SHROOM2: variants seen among roughly 807,000 people sequenced by gnomAD.
SHROOM2 encodes the protein protein Shroom2.
In SHROOM2, 33 loss-of-function variants were observed where a neutral mutation model predicts 75.9. That is an observed-to-expected ratio of 0.43 (90% CI 0.33 to 0.58). The LOEUF is 0.58. Ranked by LOEUF, SHROOM2 falls within the 20% of genes least tolerant of loss-of-function variation. SHROOM2 has a pLI of 0.04. For synonymous variants in SHROOM2, 655 were observed against 663.6 expected, an observed-to-expected ratio of 0.99 and a Z score of 0.20; for missense variants, 1,434 against 1,461.2, an observed-to-expected ratio of 0.98 and a Z score of 0.30.
At chrX:9,816,847 A>T (rs897045292) in intron 1 of SHROOM2, among the ~76,000 whole-genome samples, 1 of 111,752 alleles carries the variant, frequency 8.9e-6, no homozygotes, top group East Asian at 2.8e-4. Flanking sequence ...ATTTCTGGTT[A>T]TATTTCAGAA....
chrX:9,851,176 C>G (rs1168838294), intron 1 of SHROOM2, among the ~76,000 whole-genome samples: 1 of 111,182 alleles, frequency 9.0e-6, no homozygotes, highest in Non-Finnish European at 1.9e-5. Context: ...GCCTGGCTAA[C>G]GCTTTTAATT....
intron 5 of SHROOM2, among the ~76,000 whole-genome samples, chrX:9,910,783 C>G (rs1047443341): frequency 9.4e-6 from 1 of 106,734 alleles, no homozygotes; most frequent in African/African-American, 3.5e-5. Flanking sequence ...TGCCACTGCG[C>G]TTTTGCCTGG....
At chrX:9,829,996 A>C (rs757038311) in intron 1 of SHROOM2, among the ~76,000 whole-genome samples, 2 of 110,349 alleles carry the variant, frequency 1.8e-5, no homozygotes, top group East Asian at 5.7e-4. Flanking sequence ...GGTTTCAGAA[A>C]ATACATTAGA....
intron 2 of SHROOM2, among the ~76,000 whole-genome samples, chrX:9,881,291 A>T (rs1272082838): frequency 8.9e-6 from 1 of 111,909 alleles, no homozygotes; most frequent in Non-Finnish European, 1.9e-5. Context: ...TAAATGACAA[A>T]GAAGAGGAAG....
intron 2 of SHROOM2, among the ~76,000 whole-genome samples, chrX:9,888,539 G>A (rs1041844580): frequency 9.0e-6 from 1 of 111,351 alleles, no homozygotes; most frequent in African/African-American, 3.3e-5. Context: ...AACCTCCTGG[G>A]CTCAAATCAT....
rs145097856 is a variant in SHROOM2, at chrX:9,807,576, G to A, written c.165+20866G>A. On this transcript the variant is annotated intron_variant, in intron 1 of 9. Coordinates refer to ENST00000380913, the MANE Select transcript of SHROOM2 (RefSeq NM_001649.4). The stretch of plus-strand genomic sequence containing the variant: ...TGTCACATAGCCTGTGCTGTGCCAC[G>A]GAAATAAAACCCGAGTTCAGGACTG... Among the ~76,000 whole-genome samples the A allele has an allele frequency of 7.9e-3, 889 of 112,173 alleles. 13 individuals carry two copies. Among genetic ancestry groups the A allele is most frequent in the African/African-American group, 0.027 (842 of 30,911 alleles).
intron 2 of SHROOM2, among the ~76,000 whole-genome samples, chrX:9,886,848 G>A (rs1259130844): frequency 8.9e-6 from 1 of 112,186 alleles, no homozygotes; most frequent in Non-Finnish European, 1.9e-5. Context: ...TTCCACCCAT[G>A]GAACAGTATA....
At chrX:9,826,443 A>G (rs2083888003) in intron 1 of SHROOM2, among the ~76,000 whole-genome samples, 1 of 111,411 alleles carries the variant, frequency 9.0e-6, no homozygotes, top group South Asian at 3.8e-4. Context: ...TCTAAGAATA[A>G]CTTTATCTTC....
At chrX:9,926,994 G>A (rs1338763290) in intron 5 of SHROOM2, among the ~76,000 whole-genome samples, 1 of 111,102 alleles carries the variant, frequency 9.0e-6, no homozygotes, top group Non-Finnish European at 1.9e-5. Flanking sequence ...CAGCATTTCA[G>A]CAGCACCTGT....
At chrX:9,840,346 C>T (rs1180649327) in intron 1 of SHROOM2, among the ~76,000 whole-genome samples, 1 of 111,882 alleles carries the variant, frequency 8.9e-6, no homozygotes, top group East Asian at 2.8e-4. Flanking sequence ...GTGGCATGAT[C>T]ATGGCTCACC....
intron 1 of SHROOM2, among the ~76,000 whole-genome samples, chrX:9,872,358 A>C (rs1351578166): frequency 8.9e-6 from 1 of 112,818 alleles, no homozygotes; most frequent in Non-Finnish European, 1.9e-5. Context: ...AGGTCAGAGG[A>C]GTTCAAGACC....
chrX:9,815,999 C>T (rs778643719), intron 1 of SHROOM2, among the ~76,000 whole-genome samples: 5 of 112,168 alleles, frequency 4.5e-5, no homozygotes, highest in Non-Finnish European at 9.4e-5. Context: ...TTACTATGTA[C>T]GGATTTGCCT....
At chrX:9,934,114 G>A (rs757848382) in intron 6 of SHROOM2, among the ~76,000 whole-genome samples, 2 of 111,758 alleles carry the variant, frequency 1.8e-5, no homozygotes, top group Non-Finnish European at 3.8e-5. Context: ...GAACCCTGCT[G>A]TAGAGCCGCA....
At chrX:9,929,924 C>T (rs1201751677) in intron 5 of SHROOM2, among the ~76,000 whole-genome samples, 2 of 111,102 alleles carry the variant, frequency 1.8e-5, no homozygotes, top group Non-Finnish European at 3.8e-5. Flanking sequence ...GGGGTTTCCG[C>T]TTTTGCTTCC....
chrX:9,888,058 G>A (rs991313493), intron 2 of SHROOM2, among the ~76,000 whole-genome samples: 34 of 112,951 alleles, frequency 3.0e-4, no homozygotes, highest in African/African-American at 8.7e-4. Flanking sequence ...CTCTTGACTC[G>A]TCAGTGGCTA....
rs969559404 is a variant in SHROOM2 at position 9,949,410 on chromosome X, C to A, written c.*2473C>A. 2.7e-5 allele frequency: 9 copies of A among 329,001 alleles called. No homozygotes were observed. Among genetic ancestry groups the A allele is most frequent in the Non-Finnish European group, 5.3e-5 (9 of 169,866 alleles). The allele number at this position is 329,001 out of a possible 1,213,427, so 27.1% of individuals were successfully genotyped here. A position where few individuals can be genotyped will look rare whatever the true frequency, so the allele number is the denominator to read the frequency against. ...CCTATCAACAGATCATCCTGCTTGACTGTAACAAAATAAATAGTGTCTCTT... is the reference window on the plus strand; with the variant it reads ...CCTATCAACAGATCATCCTGCTTGAATGTAACAAAATAAATAGTGTCTCTT... On this transcript the variant is annotated 3_prime_UTR_variant, in exon 10 of 10. Coordinates refer to ENST00000380913, the MANE Select transcript of SHROOM2 (RefSeq NM_001649.4).
chrX:9,814,763 C>T (rs940026599), intron 1 of SHROOM2, among the ~76,000 whole-genome samples: 3 of 111,603 alleles, frequency 2.7e-5, no homozygotes, highest in Non-Finnish European at 5.6e-5. Flanking sequence ...AACTCAGTGT[C>T]CCCAGCTTCA....
At chrX:9,809,128 A>G (rs1204401387) in intron 1 of SHROOM2, among the ~76,000 whole-genome samples, 2 of 104,123 alleles carry the variant, frequency 1.9e-5, no homozygotes, top group African/African-American at 6.9e-5. Context: ...CAGAACTAAT[A>G]GGAAATATAT....
At chrX:9,814,164 C>G (rs1296546715) in intron 1 of SHROOM2, among the ~76,000 whole-genome samples, 1 of 111,789 alleles carries the variant, frequency 8.9e-6, no homozygotes, top group Non-Finnish European at 1.9e-5. Context: ...ATCCCTTCCT[C>G]TACATTAAAC....
Sources: allele counts gnomAD v4.1 joint callset (sites outside exome capture counted in the v4.1 genomes callset), GRCh38; gene constraint gnomAD v4.1.1; transcripts MANE v1.5; gene names NCBI Gene and HGNC (gene_info 2026-07-23, HGNC 2026-07-21).